Variants in EPB41L4B observed in about 807,000 individuals in gnomAD.
EPB41L4B encodes the protein band 4.1-like protein 4B.
EPB41L4B carries 30 observed loss-of-function variants against 112.5 expected under a neutral mutation model. The observed-to-expected ratio is 0.27, with a 90% CI of 0.20 to 0.36. The LOEUF (loss-of-function observed/expected upper bound fraction) is 0.36, where lower values mean the gene tolerates loss of function less well. Among genes scored for constraint, EPB41L4B ranks in the 10% least tolerant of loss-of-function variants. The pLI is 1.00. For missense variants in EPB41L4B, 1,024 were observed against 1,133.3 expected, an observed-to-expected ratio of 0.90 and a Z score of 1.38; for synonymous variants, 408 against 439.7, an observed-to-expected ratio of 0.93 and a Z score of 0.90.
intron 2 of EPB41L4B, among the ~76,000 whole-genome samples, chr9:109,270,432 A>G (rs1835568289): frequency 6.6e-6 from 1 of 152,200 alleles, no homozygotes; most frequent in African/African-American, 2.4e-5. Context: ...TGTCACGTCC[A>G]TATTCATTTG....
intron 15 of EPB41L4B, among the ~76,000 whole-genome samples, chr9:109,232,239 ACCTT>A (rs1200528812): frequency 3.3e-5 from 5 of 151,652 alleles, no homozygotes; most frequent in African/African-American, 1.2e-4. Context: ...TGATCTGCCC[ACCTT>A]GGCCTCCCAA....
At chr9:109,266,968 CAAAAAAAAAAAAA>C (rs3061574) in intron 4 of EPB41L4B, among the ~76,000 whole-genome samples, 19 of 91,744 alleles carry the variant, frequency 2.1e-4, no homozygotes, top group East Asian at 7.3e-4. Context: ...GATTTTGTTT[CAAAAAAAAAAAAA>C]AAAAAAAAAA....
At chr9:109,265,232 A>C (rs1288924417) in intron 4 of EPB41L4B, among the ~76,000 whole-genome samples, 5 of 152,212 alleles carry the variant, frequency 3.3e-5, no homozygotes, top group Non-Finnish European at 7.3e-5. Flanking sequence ...AGGTGAGTGC[A>C]TGTGGGGAAC....
At chr9:109,277,846 A>G (rs1835893924) in intron 2 of EPB41L4B, among the ~76,000 whole-genome samples, 1 of 152,152 alleles carries the variant, frequency 6.6e-6, no homozygotes, top group Non-Finnish European at 1.5e-5. Flanking sequence ...GGGAAAATGG[A>G]AGGAATCAAG....
chr9:109,306,324 A>G (rs947819384), intron 1 of EPB41L4B, among the ~76,000 whole-genome samples: 2 of 152,186 alleles, frequency 1.3e-5, no homozygotes, highest in Non-Finnish European at 2.9e-5. Flanking sequence ...GTTTTAAAAC[A>G]TTCTGGGCCA....
At chr9:109,194,801 T>C (rs1042989210) in intron 20 of EPB41L4B, among the ~76,000 whole-genome samples, 3 of 152,096 alleles carry the variant, frequency 2.0e-5, no homozygotes, top group African/African-American at 7.2e-5. Context: ...CCCAAGCCCC[T>C]CCCTGCAGCC....
At position 109,185,469 on chromosome 9, in the gene EPB41L4B, C is replaced by T. The variant is rs1347905834; in HGVS notation, c.2418+20G>A. On this transcript the variant is annotated intron_variant, in intron 23 of 25. Coordinates refer to ENST00000374566, the MANE Select transcript of EPB41L4B (RefSeq NM_019114.5). ...CCTCACCTCTCCTGGCCAGGCCCCT[C>T]TCCCTGCCAGGGTACCTACCAGCCT... The T allele has an allele frequency of 1.2e-6, 2 of 1,608,728 alleles. No individual in the cohort carries two copies. The highest frequency in any genetic ancestry group is 1.7e-6 in the Non-Finnish European group (2 of 1,175,414).
At chr9:109,236,528 C>T (rs770542231) in intron 15 of EPB41L4B, among the ~76,000 whole-genome samples, 69 of 152,194 alleles carry the variant, frequency 4.5e-4, no homozygotes, top group Non-Finnish European at 8.2e-4. Flanking sequence ...AAAAGCAAAC[C>T]TGGACTGCCC....
chr9:109,301,589 G>A (rs1239012511), intron 1 of EPB41L4B, among the ~76,000 whole-genome samples: 1 of 152,136 alleles, frequency 6.6e-6, no homozygotes, highest in African/African-American at 2.4e-5. Flanking sequence ...CAGTTCTACA[G>A]CTGCGTGTAC....
intron 1 of EPB41L4B, among the ~76,000 whole-genome samples, chr9:109,296,218 T>C (rs1271141796): frequency 6.6e-6 from 1 of 152,200 alleles, no homozygotes; most frequent in Non-Finnish European, 1.5e-5. Flanking sequence ...GTGAGAACAT[T>C]TGAAAAGTAA....
At chr9:109,271,203 T>C (rs1835602941) in intron 2 of EPB41L4B, among the ~76,000 whole-genome samples, 2 of 152,222 alleles carry the variant, frequency 1.3e-5, no homozygotes, top group Admixed American at 6.5e-5. Context: ...CTGGCCACAC[T>C]GCAAAAGGCA....
intron 1 of EPB41L4B, among the ~76,000 whole-genome samples, chr9:109,294,978 G>A (rs1836682119): frequency 6.6e-6 from 1 of 152,182 alleles, no homozygotes; most frequent in East Asian, 1.9e-4. Context: ...TGAAGAGTCT[G>A]ACATCCACGG....
intron 1 of EPB41L4B, among the ~76,000 whole-genome samples, chr9:109,303,927 G>A (rs2119231801): frequency 6.6e-6 from 1 of 152,080 alleles, no homozygotes; most frequent in African/African-American, 2.4e-5. Context: ...CAAGCAACTA[G>A]GCTGTTCTGT....
At chr9:109,244,600 C>T (rs1834481144) in intron 14 of EPB41L4B, among the ~76,000 whole-genome samples, 1 of 151,636 alleles carries the variant, frequency 6.6e-6, no homozygotes, top group South Asian at 2.1e-4. Context: ...CACCACACCC[C>T]GCTAATTTTG....
intron 15 of EPB41L4B, among the ~76,000 whole-genome samples, chr9:109,237,359 G>A (rs1834183778): frequency 6.6e-6 from 1 of 152,164 alleles, no homozygotes; most frequent in Non-Finnish European, 1.5e-5. Flanking sequence ...ATACACTGTT[G>A]GATGTTCTGA....
chr9:109,280,214 G>C (rs1056984717), intron 1 of EPB41L4B, among the ~76,000 whole-genome samples: 3 of 152,166 alleles, frequency 2.0e-5, no homozygotes, highest in African/African-American at 4.8e-5. Flanking sequence ...GATAAGCTTT[G>C]CCAAAATCAG....
chr9:109,303,555 G>A (rs902120003), intron 1 of EPB41L4B, among the ~76,000 whole-genome samples: 3 of 152,006 alleles, frequency 2.0e-5, no homozygotes, highest in Non-Finnish European at 2.9e-5. Context: ...GTTTCACCAA[G>A]TTTCCCAGGC....
chr9:109,243,593 C>T lies in EPB41L4B; in HGVS notation c.1409+25G>A. ...AGAGAAAGGAAAGCTTTCGAAGGTG[C>T]AGCTCTGGAAGCACCAGCACTTACC... On this transcript the variant is annotated intron_variant, in intron 15 of 25. Coordinates refer to ENST00000374566, the MANE Select transcript of EPB41L4B (RefSeq NM_019114.5). The T allele has an allele frequency of 2.5e-6, 4 of 1,611,460 alleles. No individual in the cohort carries two copies. The African/African-American group carries it at 4.0e-5, about 16-fold the overall frequency.
intron 2 of EPB41L4B, among the ~76,000 whole-genome samples, chr9:109,271,170 C>T (rs575871059): frequency 4.7e-4 from 72 of 152,346 alleles, no homozygotes; most frequent in Non-Finnish European, 9.7e-4. Context: ...ATGCTGGTAC[C>T]GGGTGGCTGA....
Sources: allele counts gnomAD v4.1 joint callset (sites outside exome capture counted in the v4.1 genomes callset), GRCh38; gene constraint gnomAD v4.1.1; transcripts MANE v1.5; gene names NCBI Gene and HGNC (gene_info 2026-07-23, HGNC 2026-07-21).